The following PARVG variants were observed in gnomAD, a reference collection of about 807,000 sequenced individuals.
The protein encoded by PARVG is gamma-parvin.
In PARVG, 36 loss-of-function variants were observed where a neutral mutation model predicts 44.4. The ratio of observed to expected loss-of-function variants is 0.81; its 90% CI spans 0.62 to 1.07. PARVG has a LOEUF of 1.07. Among genes scored for constraint, PARVG ranks in the 50% least tolerant of loss-of-function variants. The pLI is 0.00. For missense variants in PARVG, 407 were observed against 407.4 expected (o/e 1.00, Z 0.01); for synonymous variants, 170 against 174.1 (o/e 0.98, Z 0.19).
intron 2 of PARVG, 137 bp from the exon 3 acceptor site, chr22:44,183,181 C>T: frequency 2.8e-6 from 2 of 726,750 alleles, no homozygotes; most frequent in South Asian, 1.9e-5. Flanking sequence ...TACCCCCTGC[C>T]TAGGCTGGCA....
chr22:44,188,873 G>C lies in PARVG; in HGVS notation c.248-241G>C, dbSNP rs998311264. On this transcript the variant is annotated intron_variant, in intron 5 of 13. Coordinates refer to ENST00000444313, the MANE Select transcript of PARVG (RefSeq NM_022141.7). ...CAACCAGCTCAGGGGGCTGAGGCTTGCTCACATCATGTGGCCTGCATGGCC... is the reference window on the plus strand; with the variant it reads ...CAACCAGCTCAGGGGGCTGAGGCTTCCTCACATCATGTGGCCTGCATGGCC... 8 of 556,708 alleles carry C rather than the reference G, an allele frequency of 1.4e-5. No individual in the cohort carries two copies. In the African/African-American group the frequency reaches 1.5e-4, roughly 10 times the overall value. 34.5% of individuals were successfully genotyped at this position (556,708 alleles called of 1,614,324 possible). A position where few individuals can be genotyped will look rare whatever the true frequency, so the allele number is the denominator to read the frequency against.
chr22:44,183,070 G>T (rs868182296), intron 2 of PARVG: 1 of 497,644 alleles, frequency 2.0e-6, no homozygotes, highest in Middle Eastern at 5.2e-4. Flanking sequence ...CACTTCCTCC[G>T]CCAAGCCTTT....
Position 44,185,718 on chromosome 22 carries a change from C to T in PARVG, c.80-90C>T, listed in dbSNP as rs79199129. On this transcript the variant is annotated intron_variant, in intron 3 of 13. Transcript: ENST00000444313. The stretch of plus-strand genomic sequence containing the variant: ...GGCAGGACCGGTGCCCCTGGGTCTG[C>T]GGTGCTGAAATCTGTGGGTGACCTG... 3.3e-3 allele frequency: 3,798 copies of T among 1,138,150 alleles called. 82 individuals carry two copies. The African/African-American group carries it at 0.051, about 15-fold the overall frequency. 70.5% of individuals were successfully genotyped at this position (1,138,150 alleles called of 1,614,324 possible). A position where few individuals can be genotyped will look rare whatever the true frequency, so the allele number is the denominator to read the frequency against.
In PARVG at chr22:44,189,264, C is replaced by T; in HGVS notation, c.388+10C>T. On this transcript the variant is annotated intron_variant, in intron 6 of 13. Transcript: ENST00000444313. ...AAGTGGAGCGTGGAGAGTACGTGGG[C>T]CACAACCTGGCTACCCCTGGGGAGT... The T allele has an allele frequency of 6.2e-7, 1 of 1,613,602 alleles. No homozygotes were observed. The highest frequency in any genetic ancestry group is 1.7e-5 in the Admixed American group (1 of 59,996).
intron 6 of PARVG, among the ~76,000 whole-genome samples, chr22:44,190,289 G>A (rs1197882716): frequency 6.6e-6 from 1 of 152,208 alleles, no homozygotes; most frequent in Non-Finnish European, 1.5e-5. Flanking sequence ...TGTAAACAGT[G>A]CTGCAGTAAA....
At chr22:44,205,933 G>A (rs1476088971) in intron 13 of PARVG, 104 bp downstream of exon 13, 33 of 1,338,028 alleles carry the variant, frequency 2.5e-5, no homozygotes, top group Non-Finnish European at 2.7e-5. Context: ...GCACGCATTG[G>A]CAGAGTCCTC....
In PARVG at chr22:44,182,839, C is replaced by A. The variant is rs541407271; in HGVS notation, c.-12-479C>A. Among the ~76,000 whole-genome samples the A allele has an allele frequency of 6.6e-6, 1 of 152,140 alleles. No individual in the cohort carries two copies. The highest frequency in any genetic ancestry group is 1.5e-5 in the Non-Finnish European group (1 of 68,016). On this transcript the variant is annotated intron_variant, in intron 2 of 13. Coordinates refer to ENST00000444313, the MANE Select transcript of PARVG (RefSeq NM_022141.7). This position sits in a 1 kb window ranked among gnomAD's most constrained non-coding sequence, Gnocchi z 4.6. ...GTGCCTCTGTCAACCCTGGCCCTTC[C>A]GGTTTATGGGATGGGAGATGTCACC... is the stretch of plus-strand genomic sequence containing the variant.
At chr22:44,205,078 C>T (rs1250076345) in intron 12 of PARVG, among the ~76,000 whole-genome samples, 1 of 152,168 alleles carries the variant, frequency 6.6e-6, no homozygotes, top group Non-Finnish European at 1.5e-5. Flanking sequence ...GGGGACTTGA[C>T]TGATGCCCGG....
Position 44,187,841 on chromosome 22 carries a change from GGAC to G in PARVG, c.211_213del (p.Asp71del), listed in dbSNP as rs1569180534. 6.2e-7 allele frequency: 1 copy of G among 1,614,266 alleles called. No individual in the cohort carries two copies. The highest frequency in any genetic ancestry group is 2.2e-5 in the East Asian group (1 of 44,886). ...ACATTGTGGTCCGCAGCCTGGAGGA[GGAC>G]ATGTTCGACGGGCTCATCCTACACC... On this transcript the variant is annotated inframe_deletion, in exon 5 of 14. Coordinates refer to ENST00000444313, the MANE Select transcript of PARVG (RefSeq NM_022141.7).
chr22:44,174,428 A>G (rs2054299307), intron 1 of PARVG, among the ~76,000 whole-genome samples: 1 of 152,058 alleles, frequency 6.6e-6, no homozygotes, highest in African/African-American at 2.4e-5. Context: ...GGCTGAGCCT[A>G]GTGGGCTCTG....
intron 4 of PARVG, chr22:44,186,673 C>T (rs1313203223): frequency 2.1e-6 from 1 of 470,990 alleles, no homozygotes; most frequent in South Asian, 1.5e-5. Context: ...TCAGCTCGGT[C>T]TCCTCCACAG....
chr22:44,183,586 A>G lies in PARVG; in HGVS notation c.79+178A>G, dbSNP rs905444192. 2.0e-5 allele frequency: 11 copies of G among 558,182 alleles called. No homozygotes were observed. In the Middle Eastern group the frequency reaches 1.4e-3, roughly 70 times the overall value. The allele number at this position is 558,182 out of a possible 1,614,324, so 34.6% of individuals were successfully genotyped here. ...CTAACTCCTCCTCCTGGGACCTTCTACAGAGCTAGAACCTCTTCTCTCCAG... is the reference window on the plus strand; with the variant it reads ...CTAACTCCTCCTCCTGGGACCTTCTGCAGAGCTAGAACCTCTTCTCTCCAG... On this transcript the variant is annotated intron_variant, in intron 3 of 13. Coordinates refer to ENST00000444313, the MANE Select transcript of PARVG (RefSeq NM_022141.7).
At chr22:44,197,134 G>T (rs1409212625) in intron 11 of PARVG, among the ~76,000 whole-genome samples, 1 of 152,192 alleles carries the variant, frequency 6.6e-6, no homozygotes, top group Admixed American at 6.5e-5. Context: ...GGGGTCTGGG[G>T]TGGGGAGGGA....
chr22:44,181,234 A>G (rs1016989185), intron 1 of PARVG, 49 bp downstream of exon 1: 1 of 673,820 alleles, frequency 1.5e-6, no homozygotes, highest in Non-Finnish European at 1.8e-6. Context: ...CCTGGATTTT[A>G]TTTTAAGAGC....
At chr22:44,187,068 G>C (rs912643007) in intron 4 of PARVG, 4 of 203,548 alleles carry the variant, frequency 2.0e-5, no homozygotes, top group Non-Finnish European at 4.1e-5. Context: ...GAGTGGGCAG[G>C]GTACCAGCAG....
intron 11 of PARVG, 51 bp from the exon 12 acceptor site, chr22:44,198,570 G>A: frequency 7.2e-7 from 1 of 1,384,372 alleles, no homozygotes; most frequent in Admixed American, 1.7e-5. Context: ...AGACAGAGTG[G>A]GCTTCGCCAG....
At chr22:44,191,987 G>T in intron 7 of PARVG, 62 bp from the exon 8 acceptor site, 1 of 1,567,150 alleles carries the variant, frequency 6.4e-7, no homozygotes. Flanking sequence ...GGATCACTGG[G>T]GCTTCTTTGG....
chr22:44,175,850 C>T (rs2054314144), intron 1 of PARVG, among the ~76,000 whole-genome samples: 1 of 152,176 alleles, frequency 6.6e-6, no homozygotes, highest in African/African-American at 2.4e-5. Flanking sequence ...TCTCTGACAC[C>T]AGGGAAATGG....
Position 44,205,717 on chromosome 22 carries a change from G to C in PARVG, c.814-40G>C, listed in dbSNP as rs771826793. On this transcript the variant is annotated intron_variant, in intron 12 of 13. Coordinates refer to ENST00000444313, the MANE Select transcript of PARVG (RefSeq NM_022141.7). ...GGGACCCAAGGCCTGGCCTGGGGCT[G>C]CTGCTTGTGCCCACATCTGATAGGG... 18 of 1,611,108 alleles carry C rather than the reference G, an allele frequency of 1.1e-5. No homozygotes were observed. The East Asian group carries it at 3.1e-4, about 28-fold the overall frequency.
Sources: gnomAD v4.1 joint callset for allele counts (sites outside exome capture counted in the v4.1 genomes callset) on GRCh38, gnomAD v4.1.1 for gene constraint, Gnocchi (gnomAD v3.1) non-coding constraint, MANE v1.5 for transcripts, NCBI Gene and HGNC (gene_info 2026-07-23, HGNC 2026-07-21) for gene names.